Variants in ATP8A2 observed in about 807,000 individuals in gnomAD.
ATP8A2 encodes phospholipid-transporting ATPase IB.
ATP8A2 carries 100 observed loss-of-function variants against 165.6 expected under a neutral mutation model. The observed-to-expected ratio is 0.60, with a 90% CI of 0.51 to 0.71. The LOEUF is 0.71. Among genes scored for constraint, ATP8A2 ranks in the 30% least tolerant of loss-of-function variants. The pLI, the probability that ATP8A2 is intolerant of heterozygous loss-of-function variation, is 0.00. For missense variants in ATP8A2, 1,227 were observed against 1,479.5 expected (o/e 0.83, Z 2.80); for synonymous variants, 543 against 548.8 (o/e 0.99, Z 0.15).
intron 2 of ATP8A2, among the ~76,000 whole-genome samples, chr13:25,472,408 A>AT (rs1192451003): frequency 7.7e-4 from 116 of 151,302 alleles, no homozygotes; most frequent in Admixed American, 2.0e-3. Context: ...AAAAAAAAAA[A>AT]AAATTGATTA....
chr13:25,468,448 CATCTCCTT>C (rs1278441638), intron 1 of ATP8A2, among the ~76,000 whole-genome samples: 3 of 152,206 alleles, frequency 2.0e-5, no homozygotes, highest in African/African-American at 4.8e-5. Flanking sequence ...GTGCTTTCGC[CATCTCCTT>C]CTGCGGTGGC....
intron 1 of ATP8A2, among the ~76,000 whole-genome samples, chr13:25,430,159 C>A (rs751811896): frequency 6.6e-6 from 1 of 152,104 alleles, no homozygotes; most frequent in African/African-American, 2.4e-5. Context: ...TAGTAAGCAG[C>A]TATAAATGTG....
At chr13:25,739,487 A>AGAG (rs891848984) in intron 25 of ATP8A2, among the ~76,000 whole-genome samples, 49 of 152,324 alleles carry the variant, frequency 3.2e-4, no homozygotes, top group Admixed American at 3.0e-3. Context: ...AATATAACGT[A>AGAG]GAGGGAGGTT....
intron 1 of ATP8A2, among the ~76,000 whole-genome samples, chr13:25,392,435 C>G (rs2033280808): frequency 6.6e-6 from 1 of 152,190 alleles, no homozygotes; most frequent in African/African-American, 2.4e-5. Context: ...AAGACCTCTT[C>G]CCTCTCCACT....
At position 25,443,729 on chromosome 13, in the gene ATP8A2, G is replaced by T. The variant is rs193149361; in HGVS notation, c.77-25248G>T. Among the ~76,000 whole-genome samples, 349 of 152,032 alleles carry T rather than the reference G, an allele frequency of 2.3e-3. 2 individuals are homozygous for T. The highest frequency in any genetic ancestry group is 9.1e-3 in the South Asian group (44 of 4,812). ...ACTGCATAAATTATTTGTTTATTTT[G>T]TTTATTGTCTCTCTTTCCTCCCTAA... is the stretch of plus-strand genomic sequence containing the variant. On this transcript the variant is annotated intron_variant, in intron 1 of 36. Coordinates refer to ENST00000381655, the MANE Select transcript of ATP8A2 (RefSeq NM_016529.6).
chr13:25,648,554 C>G (rs749586980), intron 24 of ATP8A2, among the ~76,000 whole-genome samples: 1 of 152,104 alleles, frequency 6.6e-6, no homozygotes, highest in Non-Finnish European at 1.5e-5. Context: ...GTCTCAACTA[C>G]TTGGGAGTCT....
At chr13:25,853,791 G>C (rs1257288159) in intron 30 of ATP8A2, among the ~76,000 whole-genome samples, 1 of 152,182 alleles carries the variant, frequency 6.6e-6, no homozygotes, top group Non-Finnish European at 1.5e-5. Flanking sequence ...CTATGTTGAG[G>C]AGGGAGAAGA....
chr13:25,992,730 C>T (rs1956420284), intron 35 of ATP8A2, among the ~76,000 whole-genome samples: 1 of 151,156 alleles, frequency 6.6e-6, no homozygotes, highest in Admixed American at 6.6e-5. Context: ...GGTACATGTG[C>T]ACATTGTGCA....
chr13:25,840,890 T>TA (rs1248578637), intron 30 of ATP8A2, among the ~76,000 whole-genome samples: 2 of 152,188 alleles, frequency 1.3e-5, no homozygotes, highest in African/African-American at 4.8e-5. Context: ...CTTTGGTACT[T>TA]AAGAAGAGTC....
intron 30 of ATP8A2, among the ~76,000 whole-genome samples, chr13:25,841,369 A>G (rs1013382930): frequency 1.3e-5 from 2 of 152,236 alleles, no homozygotes; most frequent in African/African-American, 4.8e-5. Flanking sequence ...TATCACCATC[A>G]TCATCAATGT....
rs373771589 is a variant in ATP8A2 at position 25,468,418 on chromosome 13, C to T, written c.77-559C>T. ...TCTTCACCCTGGGGTCTCCGAAGCC[C>T]ATTTTTAGCGTCCAGAGGTGTGCTT... is the stretch of plus-strand genomic sequence containing the variant. On this transcript the variant is annotated intron_variant, in intron 1 of 36. Coordinates refer to ENST00000381655, the MANE Select transcript of ATP8A2 (RefSeq NM_016529.6). 2.4e-4 allele frequency among the ~76,000 whole-genome samples: 36 copies of T among 152,300 alleles called. No homozygotes were observed. In the South Asian group the frequency reaches 7.3e-3, roughly 31 times the overall value.
intron 15 of ATP8A2, among the ~76,000 whole-genome samples, chr13:25,562,395 G>C (rs777273818): frequency 2.6e-5 from 4 of 152,118 alleles, no homozygotes; most frequent in Non-Finnish European, 5.9e-5. Flanking sequence ...CTGTCTGTCT[G>C]CACGTGTTTT....
chr13:25,583,409 G>T (rs1002371440), intron 23 of ATP8A2, among the ~76,000 whole-genome samples: 3 of 152,064 alleles, frequency 2.0e-5, no homozygotes, highest in Admixed American at 6.6e-5. Context: ...AGTTAAAATT[G>T]AGCTGTAAAG....
chr13:25,883,665 G>A (rs2138862652), intron 33 of ATP8A2, among the ~76,000 whole-genome samples: 1 of 152,348 alleles, frequency 6.6e-6, no homozygotes, highest in African/African-American at 2.4e-5. Context: ...GGACATCTGG[G>A]GAAGAGTGGA....
intron 23 of ATP8A2, among the ~76,000 whole-genome samples, chr13:25,586,876 G>A (rs992534496): frequency 3.9e-5 from 6 of 152,126 alleles, no homozygotes; most frequent in East Asian, 1.9e-4. Flanking sequence ...CTAGTGTGAA[G>A]CATTATCTTG....
chr13:25,846,525 G>A (rs543333059), intron 30 of ATP8A2, among the ~76,000 whole-genome samples: 2 of 152,164 alleles, frequency 1.3e-5, no homozygotes, highest in African/African-American at 2.4e-5. Context: ...GAAGCAGTTG[G>A]GGGGAGATAT....
chr13:25,688,048 T>C (rs1013737357), intron 24 of ATP8A2, among the ~76,000 whole-genome samples: 1 of 152,066 alleles, frequency 6.6e-6, no homozygotes, highest in African/African-American at 2.4e-5. Flanking sequence ...CACCATACTT[T>C]ACAGGCCTGG....
In ATP8A2 at chr13:25,783,420, T is replaced by G. The variant is rs140411649; in HGVS notation, c.2679+8461T>G. The stretch of plus-strand genomic sequence containing the variant: ...AATTCTGCTTTCCTTGCCTCATGCA[T>G]GCTCATTCTCCAAGTCAAGAACTCT... On this transcript the variant is annotated intron_variant, in intron 27 of 36. Coordinates refer to ENST00000381655, the MANE Select transcript of ATP8A2 (RefSeq NM_016529.6). 1.9e-3 allele frequency among the ~76,000 whole-genome samples: 285 copies of G among 152,382 alleles called. 1 individual carries two copies. Among genetic ancestry groups the G allele is most frequent in the African/African-American group, 6.5e-3 (270 of 41,592 alleles).
chr13:25,798,620 T>C (rs1950546345), intron 27 of ATP8A2, among the ~76,000 whole-genome samples: 1 of 152,188 alleles, frequency 6.6e-6, no homozygotes, highest in African/African-American at 2.4e-5. Context: ...TGACAGTATT[T>C]GAAGGAGGTG....
Sources: gnomAD v4.1 joint callset for allele counts (sites outside exome capture counted in the v4.1 genomes callset) on GRCh38, gnomAD v4.1.1 for gene constraint, MANE v1.5 for transcripts, NCBI Gene and HGNC (gene_info 2026-07-23, HGNC 2026-07-21) for gene names.